Variants in MORC4 observed in about 807,000 individuals in gnomAD.
MORC4 encodes MORC family CW-type zinc finger protein 4.
In MORC4, 22 loss-of-function variants were observed where a neutral mutation model predicts 65.5. That is an observed-to-expected ratio of 0.34 (90% CI 0.24 to 0.48). MORC4 has a LOEUF of 0.48. Among genes scored for constraint, MORC4 ranks in the 20% least tolerant of loss-of-function variants. MORC4 has a pLI of 0.99. For synonymous variants in MORC4, 267 were observed against 255.8 expected (o/e 1.04, Z -0.42); for missense variants, 624 against 703.0 (o/e 0.89, Z 1.27).
chrX:106,973,109 G>A (rs1367031657), intron 9 of MORC4, among the ~76,000 whole-genome samples: 1 of 112,303 alleles, frequency 8.9e-6, no homozygotes, highest in Non-Finnish European at 1.9e-5. Context: ...GGAGCCCTAA[G>A]TCCAGAGGGC....
At chrX:106,945,264 C>T (rs1933796125) in intron 14 of MORC4, among the ~76,000 whole-genome samples, 1 of 111,394 alleles carries the variant, frequency 9.0e-6, no homozygotes, top group African/African-American at 3.3e-5. Flanking sequence ...TCTCTCATTA[C>T]TCCCTTCACA....
rs113069970 is a variant in MORC4, at chrX:106,942,861, C to T, written c.2030G>A (p.Gly677Asp). The T allele has an allele frequency of 6.9e-5, 83 of 1,210,038 alleles. 3 individuals are homozygous for T. The highest frequency in any genetic ancestry group is 6.6e-4 in the African/African-American group (38 of 57,324). Residue 677 changes from glycine (G) to aspartate (D), a missense_variant, in exon 15 of 17, where the codon GGT becomes GAT. By Grantham distance (94) the Gly-to-Asp change is moderately conservative. Coordinates refer to ENST00000355610, the MANE Select transcript of MORC4 (RefSeq NM_024657.5). ...PRLVAEESNR[G>D]STTINKEEVN... ...TTCTTCTTTGTTTATGGTTGTGCTA[C>T]CTCTGTTAGATTCTTCTGCCACCAA...
chrX:106,994,405 T>TA (rs764355835), intron 2 of MORC4, among the ~76,000 whole-genome samples: 649 of 111,998 alleles, frequency 5.8e-3, no homozygotes, highest in Non-Finnish European at 0.01. Context: ...TGGTATCCTA[T>TA]ACTGCTTTAG....
chrX:106,943,120 A>G lies in MORC4; in HGVS notation c.1771T>C (p.Ser591Pro). 8.3e-7 allele frequency: 1 copy of G among 1,210,984 alleles called. No individual in the cohort carries two copies. Among genetic ancestry groups the G allele is most frequent in the South Asian group, 1.8e-5 (1 of 56,964 alleles). The change falls in exon 15 of 17, where the codon TCC (serine) becomes CCC (proline). Residue 591 changes from serine to proline, a missense_variant. Ser to Pro is a moderately conservative substitution (Grantham distance 74). Transcript: ENST00000355610. ...ACCCTCCTGTAAGGAGCAGGCATGG[A>G]ATAATCTAGAGAAGGTGTTGTCATC... is the stretch of plus-strand genomic sequence containing the variant. Reference protein sequence around the residue: ...NEMTTPSLDYSMPAPYRRVEA... With the variant: ...NEMTTPSLDYPMPAPYRRVEA...
chrX:106,972,234 G>A (rs1339688826), intron 9 of MORC4, among the ~76,000 whole-genome samples: 11 of 110,913 alleles, frequency 9.9e-5, no homozygotes, highest in East Asian at 2.8e-4. Flanking sequence ...ACCAAACACC[G>A]CATGTTCTCA....
intron 14 of MORC4, among the ~76,000 whole-genome samples, chrX:106,947,571 T>TTA (rs764069844): frequency 0.19 from 14,646 of 77,784 alleles, 1,729 homozygotes; most frequent in East Asian, 0.42. Flanking sequence ...TATATATATA[T>TTA]TATATATATA....
intron 14 of MORC4, among the ~76,000 whole-genome samples, chrX:106,953,623 C>G (rs1425708060): frequency 9.0e-6 from 1 of 110,961 alleles, no homozygotes; most frequent in Non-Finnish European, 1.9e-5. Flanking sequence ...TATTGAGTAC[C>G]TACTATATTC....
intron 2 of MORC4, among the ~76,000 whole-genome samples, chrX:106,993,962 G>A (rs1935029056): frequency 8.9e-6 from 1 of 112,243 alleles, no homozygotes; most frequent in Non-Finnish European, 1.9e-5. Flanking sequence ...TCTCAGTGAT[G>A]GTAGCAAGCA....
intron 15 of MORC4, 57 bp downstream of exon 15, chrX:106,942,458 T>TC: frequency 9.5e-7 from 1 of 1,050,285 alleles, no homozygotes; most frequent in African/African-American, 1.9e-5. Flanking sequence ...GGCACCAATG[T>TC]CCCGCTCCCT....
intron 8 of MORC4, 72 bp downstream of exon 8, chrX:106,978,007 TC>T: frequency 1.8e-6 from 2 of 1,099,584 alleles, no homozygotes; most frequent in Non-Finnish European, 2.5e-6. Flanking sequence ...AATGAGCCTA[TC>T]CCCTTTGCAA....
At chrX:106,991,746 T>C (rs1172060075) in intron 3 of MORC4, among the ~76,000 whole-genome samples, 1 of 110,760 alleles carries the variant, frequency 9.0e-6, no homozygotes, top group African/African-American at 3.3e-5. Context: ...CTACTAAAAA[T>C]ACAAAAAAAT....
intron 2 of MORC4, among the ~76,000 whole-genome samples, chrX:106,998,980 AG>A (rs1258199512): frequency 8.9e-6 from 1 of 112,534 alleles, no homozygotes; most frequent in Non-Finnish European, 1.9e-5. Context: ...CGTTTTGTGC[AG>A]GACTGCGTTT....
rs981044770 is a variant in MORC4 at position 106,958,915 on chromosome X, C to T, written c.1257-451G>A. On this transcript the variant is annotated intron_variant, in intron 10 of 16. Coordinates refer to ENST00000355610, the MANE Select transcript of MORC4 (RefSeq NM_024657.5). ...TAGAATCATTTTGTTTCCTTCTGTCCAATCATGTAACAGGCTTAAAATCCA... is the reference window on the plus strand; with the variant it reads ...TAGAATCATTTTGTTTCCTTCTGTCTAATCATGTAACAGGCTTAAAATCCA... 2.7e-5 allele frequency among the ~76,000 whole-genome samples: 3 copies of T among 111,239 alleles called. No homozygotes were observed. In the East Asian group the frequency reaches 8.5e-4, roughly 31 times the overall value.
intron 5 of MORC4, among the ~76,000 whole-genome samples, chrX:106,983,339 CAATG>C (rs1934787332): frequency 8.9e-6 from 1 of 112,088 alleles, no homozygotes; most frequent in African/African-American, 3.2e-5. Flanking sequence ...TCTAAATTAC[CAATG>C]TGTGAGTCAC....
chrX:106,971,286 A>C (rs767240981), intron 9 of MORC4, among the ~76,000 whole-genome samples: 41 of 111,955 alleles, frequency 3.7e-4, no homozygotes, highest in African/African-American at 1.3e-3. Flanking sequence ...AAACTGGACC[A>C]CTTCCTTACA....
chrX:106,985,368 A>G (rs1934850006), intron 4 of MORC4, 125 bp from the exon 5 acceptor site: 1 of 426,261 alleles, frequency 2.3e-6, no homozygotes, highest in Non-Finnish European at 3.8e-6. Context: ...ACTGCTATAG[A>G]AGGAGGAAAG....
intron 14 of MORC4, among the ~76,000 whole-genome samples, chrX:106,952,472 G>C (rs1181220668): frequency 8.9e-6 from 1 of 112,431 alleles, no homozygotes; most frequent in African/African-American, 3.2e-5. Flanking sequence ...TTCTGTTATT[G>C]ACCAAGATGT....
chrX:106,951,288 C>T (rs1406747805), intron 14 of MORC4, among the ~76,000 whole-genome samples: 1 of 112,314 alleles, frequency 8.9e-6, no homozygotes, highest in Non-Finnish European at 1.9e-5. Context: ...ACTAATTAGC[C>T]TTTGACATAT....
At chrX:106,966,949 A>T (rs1934389408) in intron 9 of MORC4, among the ~76,000 whole-genome samples, 1 of 112,243 alleles carries the variant, frequency 8.9e-6, no homozygotes, top group African/African-American at 3.2e-5. Flanking sequence ...TGAAGACAGA[A>T]GTGGTTCTCC....
Sources: gnomAD v4.1 joint callset for allele counts (sites outside exome capture counted in the v4.1 genomes callset) on GRCh38, gnomAD v4.1.1 for gene constraint, MANE v1.5 for transcripts, NCBI Gene and HGNC (gene_info 2026-07-23, HGNC 2026-07-21) for gene names.